CDC42BPA: variants seen among roughly 807,000 people sequenced by gnomAD.
The protein encoded by CDC42BPA is CDC42 binding protein kinase alpha.
CDC42BPA carries 80 observed loss-of-function variants against 223.5 expected under a neutral mutation model. That is an observed-to-expected ratio of 0.36 (90% CI 0.30 to 0.43). The LOEUF is 0.43. Ranked by LOEUF, CDC42BPA falls within the 20% of genes least tolerant of loss-of-function variation. CDC42BPA has a pLI of 1.00. For synonymous variants in CDC42BPA, 694 were observed against 718.6 expected, an observed-to-expected ratio of 0.97 and a Z score of 0.55; for missense variants, 1,743 against 2,099.9, an observed-to-expected ratio of 0.83 and a Z score of 3.32.
chr1:227,278,712 T>C (rs1315403274), intron 1 of CDC42BPA, among the ~76,000 whole-genome samples: 3 of 152,192 alleles, frequency 2.0e-5, no homozygotes, highest in South Asian at 2.1e-4. Flanking sequence ...ATAGTAGTAC[T>C]TGAAATAACA....
chr1:227,213,630 T>C (rs550121827), intron 2 of CDC42BPA, among the ~76,000 whole-genome samples: 3 of 152,158 alleles, frequency 2.0e-5, no homozygotes, highest in Non-Finnish European at 4.4e-5. Flanking sequence ...TCCAACACCA[T>C]GTTACAAGGA....
intron 33 of CDC42BPA, among the ~76,000 whole-genome samples, 195 bp downstream of exon 33, chr1:227,016,732 G>A (rs1666348311): frequency 6.6e-6 from 1 of 152,160 alleles, no homozygotes; most frequent in South Asian, 2.1e-4. Flanking sequence ...CTTTAATCCA[G>A]TGCATACTCA....
intron 5 of CDC42BPA, among the ~76,000 whole-genome samples, chr1:227,180,903 T>C (rs1358366550): frequency 6.7e-6 from 1 of 149,260 alleles, no homozygotes; most frequent in African/African-American, 2.4e-5. Context: ...TAGAAATAAC[T>C]TGGGGCCTTT....
intron 2 of CDC42BPA, among the ~76,000 whole-genome samples, chr1:227,214,694 A>G (rs536930829): frequency 1.2e-4 from 18 of 152,232 alleles, no homozygotes; most frequent in African/African-American, 4.1e-4. Context: ...TGATTGAGGG[A>G]AGAATAGCTG....
chr1:227,145,507 A>G lies in CDC42BPA; in HGVS notation c.1125T>C (p.Asp375=). The part of the protein sequence containing the change: ...PTDTSNFDVD[D]DCLKNSETMP... The stretch of plus-strand genomic sequence containing the variant: ...TACTTACAGAATTTTTTAAACAATC[A>G]TCATCTACATCAAAATTCGATGTAT... Residue 375 remains aspartate, a synonymous_variant, in exon 8 of 37, where the codon GAT becomes GAC. Transcript: ENST00000366766. 1.2e-6 allele frequency: 2 copies of G among 1,613,296 alleles called. No homozygotes were observed. The highest frequency in any genetic ancestry group is 1.7e-6 in the Non-Finnish European group (2 of 1,179,548).
chr1:227,048,535 A>C (rs1672915408), intron 22 of CDC42BPA, among the ~76,000 whole-genome samples: 1 of 151,990 alleles, frequency 6.6e-6, no homozygotes, highest in African/African-American at 2.4e-5. Context: ...AAAGAAGGGA[A>C]TTATTTAATT....
At chr1:227,056,054 C>T (rs112079332) in intron 21 of CDC42BPA, among the ~76,000 whole-genome samples, 2,695 of 152,198 alleles carry the variant, frequency 0.018, 37 homozygotes, top group Non-Finnish European at 0.025. Flanking sequence ...AAGGTCCCCC[C>T]GCCGCCCAGG....
Position 227,229,579 on chromosome 1 carries a change from C to A in CDC42BPA, c.271-16360G>T, listed in dbSNP as rs146974576. 5.6e-4 allele frequency among the ~76,000 whole-genome samples: 86 copies of A among 152,264 alleles called. 1 individual carries two copies. In the East Asian group the frequency reaches 0.016, roughly 29 times the overall value. On this transcript the variant is annotated intron_variant, in intron 2 of 36. Coordinates refer to ENST00000366766, the MANE Select transcript of CDC42BPA (RefSeq NM_001394014.1). ...AATTTTTATAGGGATTGCACTGTAT[C>A]TGTAGATCAATTTGGGTAATACTGC...
intron 3 of CDC42BPA, among the ~76,000 whole-genome samples, chr1:227,207,443 C>A (rs1186696729): frequency 6.8e-6 from 1 of 146,450 alleles, no homozygotes; most frequent in East Asian, 2.1e-4. Flanking sequence ...TATACATGTG[C>A]CATGCTGGTG....
intron 2 of CDC42BPA, among the ~76,000 whole-genome samples, chr1:227,236,730 C>T (rs1041888991): frequency 2.6e-5 from 4 of 152,094 alleles, no homozygotes; most frequent in Non-Finnish European, 4.4e-5. Context: ...CAACCCCCAC[C>T]TTTCCAATGG....
chr1:227,241,588 A>G (rs756288597), intron 2 of CDC42BPA, among the ~76,000 whole-genome samples: 15 of 152,182 alleles, frequency 9.9e-5, no homozygotes, highest in Non-Finnish European at 1.6e-4. Context: ...TACATACTGT[A>G]TAATTCCATT....
chr1:227,107,588 G>A lies in CDC42BPA; in HGVS notation c.2001+4724C>T, dbSNP rs193298955. ...AGGTGCCTTCTCAAAAAAGAGTTTG[G>A]GAAGGATTGCTGTTAATTTTTCTTT... is the stretch of plus-strand genomic sequence containing the variant. On this transcript the variant is annotated intron_variant, in intron 14 of 36. Coordinates refer to ENST00000366766, the MANE Select transcript of CDC42BPA (RefSeq NM_001394014.1). 1.8e-4 allele frequency among the ~76,000 whole-genome samples: 27 copies of A among 152,244 alleles called. No individual in the cohort carries two copies. In the East Asian group the frequency reaches 4.8e-3, roughly 27 times the overall value.
At chr1:227,009,357 G>T (rs888034971) in intron 34 of CDC42BPA, among the ~76,000 whole-genome samples, 2 of 152,112 alleles carry the variant, frequency 1.3e-5, no homozygotes, top group Non-Finnish European at 2.9e-5. Flanking sequence ...AGTATTTCTA[G>T]TTATAGATGA....
intron 3 of CDC42BPA, among the ~76,000 whole-genome samples, chr1:227,210,784 G>A (rs1673736557): frequency 6.6e-6 from 1 of 152,270 alleles, no homozygotes; most frequent in African/African-American, 2.4e-5. Flanking sequence ...AGGATTTGTT[G>A]CTCTAGCTGC....
chr1:227,309,935 T>C (rs1693220072), intron 1 of CDC42BPA, among the ~76,000 whole-genome samples: 1 of 152,220 alleles, frequency 6.6e-6, no homozygotes, highest in African/African-American at 2.4e-5. Flanking sequence ...AATTTATCTT[T>C]CAGTGCACAT....
chr1:227,193,417 T>G (rs1294024108), intron 5 of CDC42BPA, among the ~76,000 whole-genome samples: 1 of 151,974 alleles, frequency 6.6e-6, no homozygotes, highest in East Asian at 1.9e-4. Context: ...TACATGGACA[T>G]ATTGTGTGGT....
intron 21 of CDC42BPA, among the ~76,000 whole-genome samples, chr1:227,063,629 T>TA (rs1676384413): frequency 6.6e-6 from 1 of 152,076 alleles, no homozygotes; most frequent in Non-Finnish European, 1.5e-5. Context: ...AATCTTCAGG[T>TA]AGGGTTGTGG....
chr1:227,256,738 G>C (rs915914829), intron 1 of CDC42BPA, among the ~76,000 whole-genome samples: 7 of 151,962 alleles, frequency 4.6e-5, no homozygotes, highest in Admixed American at 3.9e-4. Context: ...TAAAACAGTT[G>C]GGTAGTTCCT....
intron 30 of CDC42BPA, 22 bp downstream of exon 30, chr1:227,028,635 G>C: frequency 1.4e-6 from 2 of 1,437,464 alleles, no homozygotes; most frequent in Non-Finnish European, 1.9e-6. Flanking sequence ...AGATAAGACA[G>C]CCGTAAGAAA....
Sources: allele counts gnomAD v4.1 joint callset (sites outside exome capture counted in the v4.1 genomes callset), GRCh38; gene constraint gnomAD v4.1.1; transcripts MANE v1.5; gene names NCBI Gene and HGNC (gene_info 2026-07-23, HGNC 2026-07-21).